Variants in CCDC122 observed in about 807,000 individuals in gnomAD.
CCDC122 encodes coiled-coil domain-containing protein 122.
Under a neutral mutation model 37.0 loss-of-function variants are expected in CCDC122, and 38 were observed. That is an observed-to-expected ratio of 1.03 (90% CI 0.79 to 1.35). The LOEUF is 1.35. CCDC122 is among the 40% of genes most tolerant of loss of function. The probability of loss-of-function intolerance (pLI) is 0.00; values close to 1 mark genes in which losing one functional copy is unlikely to be tolerated. For missense variants in CCDC122, 305 were observed against 310.0 expected (o/e 0.98, Z 0.12); for synonymous variants, 83 against 95.6 (o/e 0.87, Z 0.77).
At chr13:43,867,645 A>G (rs1954315106) in intron 4 of CCDC122, among the ~76,000 whole-genome samples, 1 of 152,164 alleles carries the variant, frequency 6.6e-6, no homozygotes, top group Non-Finnish European at 1.5e-5. Context: ...AGTGAGGACA[A>G]TGTTCAGCAA....
At chr13:43,848,267 T>C (rs1953610543) in intron 6 of CCDC122, among the ~76,000 whole-genome samples, 1 of 152,264 alleles carries the variant, frequency 6.6e-6, no homozygotes, top group Non-Finnish European at 1.5e-5. Flanking sequence ...TTTAAACTCA[T>C]GCTGTACAAA....
At chr13:43,878,446 T>C (rs571443743) in intron 1 of CCDC122, among the ~76,000 whole-genome samples, 3 of 152,284 alleles carry the variant, frequency 2.0e-5, no homozygotes, top group African/African-American at 7.2e-5. Context: ...GGGTTAGTGC[T>C]CCCAGTCTCT....
intron 6 of CCDC122, among the ~76,000 whole-genome samples, chr13:43,857,625 G>A (rs1345188648): frequency 5.9e-5 from 9 of 151,904 alleles, no homozygotes; most frequent in African/African-American, 1.7e-4. Flanking sequence ...TTTTCTGGCC[G>A]GGTGTGGTGG....
At chr13:43,819,270 AG>A (rs1401555368), downstream of CCDC122, among the ~76,000 whole-genome samples, 1 of 152,218 alleles carries the variant, frequency 6.6e-6, no homozygotes, top group Non-Finnish European at 1.5e-5. Flanking sequence ...ACCAGGGGAC[AG>A]AATTCAGTAA....
intron 6 of CCDC122, among the ~76,000 whole-genome samples, chr13:43,840,066 G>A (rs377504264): frequency 9.2e-5 from 14 of 152,254 alleles, no homozygotes; most frequent in African/African-American, 3.1e-4. Flanking sequence ...AAGTATGGCC[G>A]CTGGGATTGT....
At chr13:43,821,229 T>C (rs1439745768), downstream of CCDC122, among the ~76,000 whole-genome samples, 2 of 152,196 alleles carry the variant, frequency 1.3e-5, no homozygotes, top group Non-Finnish European at 2.9e-5. Flanking sequence ...TTTTAAAACA[T>C]TTTTATTTTC....
At chr13:43,842,953 T>C (rs1419314713) in intron 6 of CCDC122, among the ~76,000 whole-genome samples, 3 of 152,106 alleles carry the variant, frequency 2.0e-5, no homozygotes, top group African/African-American at 7.2e-5. Context: ...TAAACAATTA[T>C]GCTATCTGTG....
intron 6 of CCDC122, among the ~76,000 whole-genome samples, chr13:43,853,104 A>G (rs1953797398): frequency 6.6e-6 from 1 of 151,098 alleles, no homozygotes; most frequent in African/African-American, 2.4e-5. Context: ...ACCAGTTACC[A>G]TCATGATGAC....
At chr13:43,852,987 G>A (rs113616997) in intron 6 of CCDC122, among the ~76,000 whole-genome samples, 12,410 of 152,114 alleles carry the variant, frequency 0.082, 582 homozygotes, top group African/African-American at 0.1. Flanking sequence ...CCTGAAGAAA[G>A]CACTAAATAT....
At chr13:43,823,656 G>T (rs2153867627), downstream of CCDC122, among the ~76,000 whole-genome samples, 3 of 152,338 alleles carry the variant, frequency 2.0e-5, no homozygotes, top group South Asian at 6.2e-4. Flanking sequence ...CTCTGGCTAG[G>T]TCTGCTCTGA....
At chr13:43,868,986 G>A (rs890740250) in intron 3 of CCDC122, among the ~76,000 whole-genome samples, 183 bp from the exon 4 acceptor site, 6 of 151,892 alleles carry the variant, frequency 4.0e-5, no homozygotes, top group African/African-American at 7.2e-5. Flanking sequence ...AACAATAATA[G>A]GCAATTCAAA....
intron 6 of CCDC122, among the ~76,000 whole-genome samples, chr13:43,843,030 T>C (rs1953407472): frequency 6.6e-6 from 1 of 152,098 alleles, no homozygotes; most frequent in South Asian, 2.1e-4. Context: ...TCTTATAACA[T>C]TGATTAGGAC....
chr13:43,853,299 C>A (rs905760821), intron 6 of CCDC122, among the ~76,000 whole-genome samples: 1 of 152,010 alleles, frequency 6.6e-6, no homozygotes, highest in African/African-American at 2.4e-5. Context: ...GAAAATCCAC[C>A]AAGCAAATGG....
At chr13:43,849,964 T>C (rs1953670016) in intron 6 of CCDC122, among the ~76,000 whole-genome samples, 1 of 152,178 alleles carries the variant, frequency 6.6e-6, no homozygotes, top group Non-Finnish European at 1.5e-5. Flanking sequence ...CAAGGTGTAA[T>C]ATTCCTCTCC....
chr13:43,877,550 A>T (rs1300529406), intron 1 of CCDC122, among the ~76,000 whole-genome samples: 1 of 152,176 alleles, frequency 6.6e-6, no homozygotes, highest in African/African-American at 2.4e-5. Flanking sequence ...ATATGAACAA[A>T]ATGTAAAGAA....
chr13:43,843,808 C>T (rs1388294601), intron 6 of CCDC122, among the ~76,000 whole-genome samples: 1 of 128,552 alleles, frequency 7.8e-6, no homozygotes, highest in East Asian at 2.2e-4. Context: ...AATGCATTTT[C>T]TTCTTGTGTT....
intron 5 of CCDC122, 138 bp downstream of exon 5, chr13:43,859,534 A>T: frequency 1.6e-6 from 1 of 639,062 alleles, no homozygotes; most frequent in Non-Finnish European, 2.4e-6. Flanking sequence ...AGTTTTTTTC[A>T]ATTATGAAAA....
chr13:43,825,840 C>T (rs968919828), intron 3 of CCDC122, among the ~76,000 whole-genome samples: 2 of 150,982 alleles, frequency 1.3e-5, no homozygotes, highest in Admixed American at 1.3e-4. Context: ...TATGTCTTCA[C>T]TATCTGGGTC....
At chr13:43,830,194 A>T (rs1054450888) in intron 3 of CCDC122, among the ~76,000 whole-genome samples, 13 of 152,160 alleles carry the variant, frequency 8.5e-5, no homozygotes, top group Non-Finnish European at 2.9e-5. Flanking sequence ...TTTTCTATTT[A>T]AAGCAAATAA....
Sources: allele counts gnomAD v4.1 joint callset (sites outside exome capture counted in the v4.1 genomes callset), GRCh38; gene constraint gnomAD v4.1.1; transcripts MANE v1.5; gene names NCBI Gene and HGNC (gene_info 2026-07-23, HGNC 2026-07-21).